The following IFT74 variants were observed in gnomAD, a reference collection of about 807,000 sequenced individuals.
IFT74 encodes intraflagellar transport 74, also known as intraflagellar transport protein 74 homolog.
IFT74 carries 92 observed loss-of-function variants against 96.7 expected under a neutral mutation model. The ratio of observed to expected loss-of-function variants is 0.95; its 90% CI spans 0.80 to 1.13. IFT74 has a LOEUF of 1.13. IFT74 is among the 50% of genes most tolerant of loss of function. The pLI is 0.00. For missense variants in IFT74, 811 were observed against 698.2 expected (o/e 1.16, Z -1.82); for synonymous variants, 223 against 213.2 (o/e 1.05, Z -0.40).
intron 2 of IFT74, among the ~76,000 whole-genome samples, chr9:26,970,528 G>T (rs1467683867): frequency 6.6e-6 from 1 of 152,078 alleles, no homozygotes; most frequent in Non-Finnish European, 1.5e-5. Flanking sequence ...TAATTTATAT[G>T]TTCTTCTCTA....
chr9:27,050,221 C>CTAATATT (rs1044950247), intron 16 of IFT74, among the ~76,000 whole-genome samples: 1 of 152,070 alleles, frequency 6.6e-6, no homozygotes, highest in Admixed American at 6.6e-5. Context: ...GCACGCCTAG[C>CTAATATT]TAATATTTCG....
chr9:27,009,304 A>G (rs567828824), intron 9 of IFT74, 146 bp downstream of exon 9: 98 of 587,590 alleles, frequency 1.7e-4, no homozygotes, highest in Non-Finnish European at 2.0e-4. Context: ...CATCTGATTC[A>G]TACGTATATT....
chr9:27,029,124 A>G lies in IFT74; in HGVS notation c.1054+20A>G. The G allele has an allele frequency of 6.4e-7, 1 of 1,560,260 alleles. No individual in the cohort carries two copies. Among genetic ancestry groups the G allele is most frequent in the Non-Finnish European group, 8.8e-7 (1 of 1,141,780 alleles). ...ACCAAGGTATGCTTCTGGTATTTTT[A>G]TAATGTAGATTAACAGATGTTTAGC... On this transcript the variant is annotated intron_variant, in intron 13 of 19. Transcript: ENST00000380062.
Position 26,957,045 on chromosome 9 carries a change from G to A in IFT74, c.-20+529G>A, listed in dbSNP as rs568986766. On this transcript the variant is annotated intron_variant, in intron 1 of 19. Coordinates refer to ENST00000380062, the MANE Select transcript of IFT74 (RefSeq NM_025103.4). Reference sequence around the variant, plus strand: ...AAATCCTGAGGGGTTAATTAAGGTGGCAAGATTATGCAGCCGCTAACTTTG... The same window carrying A: ...AAATCCTGAGGGGTTAATTAAGGTGACAAGATTATGCAGCCGCTAACTTTG... Among the ~76,000 whole-genome samples the A allele has an allele frequency of 1.3e-5, 2 of 152,326 alleles. 1 individual carries two copies. The highest frequency in any genetic ancestry group is 4.1e-4 in the South Asian group (2 of 4,828).
chr9:27,002,294 G>A (rs576833820), intron 8 of IFT74, among the ~76,000 whole-genome samples: 41 of 152,304 alleles, frequency 2.7e-4, no homozygotes, highest in African/African-American at 8.2e-4. Flanking sequence ...ACTTTCATGC[G>A]GGTCCATGTG....
intron 2 of IFT74, 81 bp from the exon 3 acceptor site, chr9:26,978,047 A>C: frequency 7.7e-7 from 1 of 1,294,112 alleles, no homozygotes; most frequent in Non-Finnish European, 1.0e-6. Flanking sequence ...TTTTTTAAAA[A>C]ATTGTCTTTG....
chr9:27,031,525 C>G (rs1486544515), intron 13 of IFT74, among the ~76,000 whole-genome samples: 1 of 149,126 alleles, frequency 6.7e-6, no homozygotes, highest in East Asian at 2.0e-4. Flanking sequence ...GAGTTTATAT[C>G]TTATATTGAA....
chr9:26,964,840 C>G (rs902393686), intron 2 of IFT74, among the ~76,000 whole-genome samples: 43 of 152,190 alleles, frequency 2.8e-4, no homozygotes, highest in African/African-American at 9.6e-4. Context: ...GCCACGGCAC[C>G]TGGAGGTAAA....
In IFT74 at chr9:27,057,895, A is replaced by G. The variant is rs573979100; in HGVS notation, c.1623+1436A>G. ...AAACTCTCTTTTTCTTCATATGGTT[A>G]TGTGATCATGATAGAGCAAAATAAA... On this transcript the variant is annotated intron_variant, in intron 18 of 19. Coordinates refer to ENST00000380062, the MANE Select transcript of IFT74 (RefSeq NM_025103.4). Among the ~76,000 whole-genome samples, 13 of 152,160 alleles carry G rather than the reference A, an allele frequency of 8.5e-5. No homozygotes were observed. The South Asian group carries it at 2.5e-3, about 29-fold the overall frequency.
intron 8 of IFT74, among the ~76,000 whole-genome samples, chr9:27,003,380 G>T (rs1254676711): frequency 5.3e-5 from 8 of 151,938 alleles, no homozygotes; most frequent in Admixed American, 5.2e-4. Context: ...AAAATTAGCC[G>T]GGTGCAGTGG....
chr9:27,036,033 T>C (rs1372436049), intron 13 of IFT74, among the ~76,000 whole-genome samples: 2 of 152,274 alleles, frequency 1.3e-5, no homozygotes, highest in Admixed American at 6.5e-5. Context: ...CTATTTTGTA[T>C]GTATTATATA....
At chr9:26,999,911 C>G (rs1368075033) in intron 8 of IFT74, among the ~76,000 whole-genome samples, 2 of 151,460 alleles carry the variant, frequency 1.3e-5, no homozygotes, top group Non-Finnish European at 2.9e-5. Flanking sequence ...AGCTGAAACA[C>G]AAGCATGCAC....
intron 16 of IFT74, among the ~76,000 whole-genome samples, chr9:27,054,014 T>C (rs1455026559): frequency 1.3e-5 from 2 of 152,248 alleles, no homozygotes; most frequent in Admixed American, 6.5e-5. Flanking sequence ...TATATATTTT[T>C]AAATAGTGTA....
chr9:26,991,085 C>A (rs1015012954), intron 8 of IFT74, among the ~76,000 whole-genome samples: 2 of 152,092 alleles, frequency 1.3e-5, no homozygotes, highest in Admixed American at 1.3e-4. Context: ...ATTCAATTAC[C>A]AAAATTCAGT....
intron 13 of IFT74, among the ~76,000 whole-genome samples, chr9:27,041,413 A>G (rs1445845662): frequency 6.6e-6 from 1 of 152,202 alleles, no homozygotes; most frequent in Non-Finnish European, 1.5e-5. Flanking sequence ...ACTCAGTTTG[A>G]TATCCCAAAA....
At position 27,036,741 on chromosome 9, in the gene IFT74, A is replaced by G. The variant is rs551567251; in HGVS notation, c.1054+7637A>G. The G allele has an allele frequency of 2.0e-5, 24 of 1,230,570 alleles. No individual in the cohort carries two copies. In the African/African-American group the frequency reaches 3.6e-4, roughly 18 times the overall value. 76.2% of individuals were successfully genotyped at this position (1,230,570 alleles called of 1,614,324 possible). A position where few individuals can be genotyped will look rare whatever the true frequency, so the allele number is the denominator to read the frequency against. On this transcript the variant is annotated intron_variant, in intron 13 of 19. Coordinates refer to ENST00000380062, the MANE Select transcript of IFT74 (RefSeq NM_025103.4). ...GGTGAAAGAAATCCCTTACAGACTA[A>G]GAGAGAGCGTAAAGTGCTGTCTCTC...
At chr9:26,960,794 G>C (rs1197645051) in intron 1 of IFT74, among the ~76,000 whole-genome samples, 1 of 151,990 alleles carries the variant, frequency 6.6e-6, no homozygotes, top group Non-Finnish European at 1.5e-5. Context: ...AATTCCAGAT[G>C]ATGACAAGCT....
chr9:26,960,572 A>G (rs1826311513), intron 1 of IFT74, among the ~76,000 whole-genome samples: 1 of 152,220 alleles, frequency 6.6e-6, no homozygotes, highest in Non-Finnish European at 1.5e-5. Context: ...GATGTGACCA[A>G]CAATTTGAAA....
chr9:26,962,893 C>G (rs927723401), intron 2 of IFT74, among the ~76,000 whole-genome samples: 1 of 150,488 alleles, frequency 6.6e-6, no homozygotes, highest in Non-Finnish European at 1.5e-5. Flanking sequence ...TATATAGGAT[C>G]AGAATCTTAA....
Sources: allele counts gnomAD v4.1 joint callset (sites outside exome capture counted in the v4.1 genomes callset), GRCh38; gene constraint gnomAD v4.1.1; transcripts MANE v1.5; gene names NCBI Gene and HGNC (gene_info 2026-07-23, HGNC 2026-07-21).